Variants in SMOC2 observed in about 807,000 individuals in gnomAD.
SMOC2 encodes the protein SPARC related modular calcium binding 2.
A neutral mutation model predicts 61.4 loss-of-function variants in SMOC2; 39 were observed. The observed-to-expected ratio is 0.64, with a 90% CI of 0.49 to 0.83. The LOEUF (loss-of-function observed/expected upper bound fraction) is 0.83, where lower values mean the gene tolerates loss of function less well. SMOC2 is among the 40% of genes least tolerant of loss of function. The pLI is 0.00. For missense variants in SMOC2, 556 were observed against 592.9 expected (o/e 0.94, Z 0.65); for synonymous variants, 247 against 239.9 (o/e 1.03, Z -0.27).
intron 11 of SMOC2, among the ~76,000 whole-genome samples, chr6:168,653,555 G>A (rs1562406797): frequency 6.6e-6 from 1 of 152,168 alleles, no homozygotes; most frequent in Non-Finnish European, 1.5e-5. Flanking sequence ...GGGAACCACT[G>A]GAATAACCAA....
intron 11 of SMOC2, among the ~76,000 whole-genome samples, chr6:168,659,149 G>T (rs577724167): frequency 1.3e-5 from 2 of 152,064 alleles, no homozygotes; most frequent in East Asian, 3.9e-4. Context: ...CTCTGTTAGG[G>T]CAAATGTCTG....
chr6:168,628,090 T>C (rs991247729), intron 9 of SMOC2, among the ~76,000 whole-genome samples: 2 of 152,184 alleles, frequency 1.3e-5, no homozygotes, highest in African/African-American at 4.8e-5. Context: ...GCCCTTGCCT[T>C]CCTTGGCCTC....
At chr6:168,463,474 AC>A (rs1378669079) in intron 1 of SMOC2, among the ~76,000 whole-genome samples, 10 of 152,312 alleles carry the variant, frequency 6.6e-5, no homozygotes, top group African/African-American at 2.2e-4. Flanking sequence ...TGCTAGTTTT[AC>A]ATTTTTCAAG....
rs572640771 is a variant in SMOC2 at position 168,494,499 on chromosome 6, A to C, written c.85-15416A>C. Among the ~76,000 whole-genome samples, 10 of 152,376 alleles carry C rather than the reference A, an allele frequency of 6.6e-5. No homozygotes were observed. In the East Asian group the frequency reaches 1.9e-3, roughly 29 times the overall value. On this transcript the variant is annotated intron_variant, in intron 1 of 12. Transcript: ENST00000356284. ...TTACTAGGGCTAAAGTGCCCATCAGAATCTTTTTGGATAAATGAACACACA... is the reference window on the plus strand; with the variant it reads ...TTACTAGGGCTAAAGTGCCCATCAGCATCTTTTTGGATAAATGAACACACA...
intron 2 of SMOC2, among the ~76,000 whole-genome samples, chr6:168,514,246 C>A (rs537861661): frequency 1.4e-5 from 2 of 144,968 alleles, no homozygotes; most frequent in South Asian, 4.5e-4. Context: ...GACTCAAGGA[C>A]ACACAGCGCC....
chr6:168,562,839 C>CTG (rs1203558913), intron 7 of SMOC2, among the ~76,000 whole-genome samples: 4 of 152,166 alleles, frequency 2.6e-5, no homozygotes, highest in Non-Finnish European at 4.4e-5. Flanking sequence ...GGATCTGGAT[C>CTG]CCTCCAGGCC....
chr6:168,604,648 C>T (rs1033727872), intron 8 of SMOC2, among the ~76,000 whole-genome samples: 1 of 152,142 alleles, frequency 6.6e-6, no homozygotes, highest in Admixed American at 6.5e-5. Flanking sequence ...CTCTAAATTT[C>T]CTGATGGGGA....
intron 9 of SMOC2, among the ~76,000 whole-genome samples, chr6:168,609,806 A>G (rs1051721890): frequency 6.6e-6 from 1 of 152,088 alleles, no homozygotes; most frequent in Admixed American, 6.5e-5. Context: ...AGAGTCCAAG[A>G]TTCTTAACTT....
chr6:168,585,106 C>T (rs1357930133), intron 7 of SMOC2, among the ~76,000 whole-genome samples: 5 of 152,152 alleles, frequency 3.3e-5, no homozygotes, highest in Admixed American at 2.0e-4. Context: ...TACACGAGGG[C>T]GCCACCACAC....
At position 168,588,976 on chromosome 6, in the gene SMOC2, C is replaced by T. The variant is rs28505391; in HGVS notation, c.638-9842C>T. Among the ~76,000 whole-genome samples, 14 of 149,142 alleles carry T rather than the reference C, an allele frequency of 9.4e-5. No homozygotes were observed. In the East Asian group the frequency reaches 2.6e-3, roughly 28 times the overall value. ...GTCCCTGTAGTCTCAGCTCTGAAGGCTGAAGCAAGAGAATCACTTGAACCG... is the reference window on the plus strand; with the variant it reads ...GTCCCTGTAGTCTCAGCTCTGAAGGTTGAAGCAAGAGAATCACTTGAACCG... On this transcript the variant is annotated intron_variant, in intron 7 of 12. Coordinates refer to ENST00000356284, the MANE Select transcript of SMOC2 (RefSeq NM_001166412.2).
At chr6:168,487,125 T>A (rs1449071928) in intron 1 of SMOC2, among the ~76,000 whole-genome samples, 1 of 152,192 alleles carries the variant, frequency 6.6e-6, no homozygotes, top group African/African-American at 2.4e-5. Flanking sequence ...AACGTCCCCC[T>A]GCTTCTTGTT....
intron 1 of SMOC2, among the ~76,000 whole-genome samples, chr6:168,463,604 G>A (rs1781761347): frequency 6.6e-6 from 1 of 152,132 alleles, no homozygotes; most frequent in Non-Finnish European, 1.5e-5. Context: ...GAGACCTCTG[G>A]AAACGGAAGA....
chr6:168,588,108 A>G (rs2115168595), intron 7 of SMOC2, among the ~76,000 whole-genome samples: 1 of 119,412 alleles, frequency 8.4e-6, no homozygotes, highest in South Asian at 3.0e-4. Context: ...AGATCCCTGG[A>G]GCTCCCTCAC....
chr6:168,537,789 G>A (rs754102046), intron 4 of SMOC2, among the ~76,000 whole-genome samples: 37 of 152,206 alleles, frequency 2.4e-4, no homozygotes, highest in Non-Finnish European at 4.9e-4. Context: ...GGTGGCTGGA[G>A]CCCACAGGGT....
chr6:168,640,673 A>T (rs2115260785), intron 9 of SMOC2, among the ~76,000 whole-genome samples: 1 of 152,198 alleles, frequency 6.6e-6, no homozygotes, highest in East Asian at 1.9e-4. Flanking sequence ...TATGGTTTAA[A>T]AACATAGAGA....
rs984596733 is a variant in SMOC2 at position 168,618,442 on chromosome 6, G to A, written c.907+10203G>A. 1.4e-4 allele frequency among the ~76,000 whole-genome samples: 21 copies of A among 150,138 alleles called. 1 individual carries two copies. The highest frequency in any genetic ancestry group is 4.9e-4 in the African/African-American group (20 of 40,606). ...GGCATTAGGAGAGTGGAGGAGAGGC[G>A]GGTAGTGGCATTAGGAGAGTGGAGG... On this transcript the variant is annotated intron_variant, in intron 9 of 12. Coordinates refer to ENST00000356284, the MANE Select transcript of SMOC2 (RefSeq NM_001166412.2).
intron 7 of SMOC2, among the ~76,000 whole-genome samples, chr6:168,550,534 G>A (rs1050869373): frequency 7.2e-5 from 11 of 152,094 alleles, no homozygotes; most frequent in African/African-American, 1.7e-4. Context: ...CAAAGCTAGC[G>A]CGGTGCAATG....
intron 8 of SMOC2, among the ~76,000 whole-genome samples, chr6:168,602,084 C>T (rs1785567248): frequency 6.6e-6 from 1 of 152,174 alleles, no homozygotes; most frequent in Admixed American, 6.5e-5. Context: ...TTCAAACCCT[C>T]TTTCAGGGAC....
At chr6:168,624,170 T>C (rs888802001) in intron 9 of SMOC2, among the ~76,000 whole-genome samples, 8 of 152,216 alleles carry the variant, frequency 5.3e-5, no homozygotes, top group African/African-American at 1.9e-4. Flanking sequence ...GCCTAGGTGC[T>C]TTCCCTATAT....
Sources: allele counts gnomAD v4.1 joint callset (sites outside exome capture counted in the v4.1 genomes callset), GRCh38; gene constraint gnomAD v4.1.1; transcripts MANE v1.5; gene names NCBI Gene and HGNC (gene_info 2026-07-23, HGNC 2026-07-21).